The following EPG5 variants were observed in gnomAD, a reference collection of about 807,000 sequenced individuals.
EPG5 encodes the protein ectopic P granules protein 5 homolog.
In EPG5, 159 loss-of-function variants were observed where a neutral mutation model predicts 302.7. The ratio of observed to expected loss-of-function variants is 0.53; its 90% CI spans 0.46 to 0.60. EPG5 has a LOEUF of 0.60. Among genes scored for constraint, EPG5 ranks in the 20% least tolerant of loss-of-function variants. The pLI is 0.00. For synonymous variants in EPG5, 1,158 were observed against 1,136.8 expected (o/e 1.02, Z -0.37); for missense variants, 2,896 against 3,092.4 (o/e 0.94, Z 1.51).
intron 27 of EPG5, chr18:45,890,226 T>G (rs2049311419): frequency 8.4e-6 from 2 of 236,816 alleles, no homozygotes; most frequent in South Asian, 1.7e-4. Context: ...GCCCCTCCAC[T>G]GCTGATCATG....
At chr18:45,897,712 T>C (rs145188986) in intron 27 of EPG5, among the ~76,000 whole-genome samples, 189 of 152,344 alleles carry the variant, frequency 1.2e-3, no homozygotes, top group African/African-American at 2.2e-3. Flanking sequence ...TTCTGAACTT[T>C]AGACAAATAC....
At chr18:45,836,971 C>G in the EPG5 span, 5 of 930,976 alleles carry the variant, frequency 5.4e-6, no homozygotes, top group Non-Finnish European at 8.9e-6. Flanking sequence ...AGTTACTCAA[C>G]TTCTCTGAGC....
intron 31 of EPG5, among the ~76,000 whole-genome samples, chr18:45,880,733 T>C (rs1288789052): frequency 1.3e-5 from 2 of 152,182 alleles, no homozygotes; most frequent in African/African-American, 4.8e-5. Flanking sequence ...TATTCTGAAC[T>C]AGTCCCAACT....
chr18:45,818,256 A>G, the EPG5 span, among the ~76,000 whole-genome samples: 1 of 148,128 alleles, frequency 6.8e-6, no homozygotes, highest in Non-Finnish European at 1.5e-5. Flanking sequence ...GGAAGATTTT[A>G]TTTTTTTTTT....
the EPG5 span, among the ~76,000 whole-genome samples, chr18:45,825,008 G>A: frequency 6.6e-6 from 1 of 152,044 alleles, no homozygotes. Flanking sequence ...TCAGGTCACT[G>A]TCTAAGGGAG....
chr18:45,912,782 G>A (rs984804438), intron 21 of EPG5, among the ~76,000 whole-genome samples: 1 of 152,146 alleles, frequency 6.6e-6, no homozygotes, highest in African/African-American at 2.4e-5. Context: ...CAAGGGAATA[G>A]AAAGATATGA....
At chr18:45,877,507 C>T (rs1045928343) in intron 34 of EPG5, among the ~76,000 whole-genome samples, 4 of 152,154 alleles carry the variant, frequency 2.6e-5, no homozygotes, top group Non-Finnish European at 4.4e-5. Flanking sequence ...AATAAACAAG[C>T]AGCCAGCACT....
intron 34 of EPG5, among the ~76,000 whole-genome samples, chr18:45,876,799 T>TGA (rs1180748410): frequency 2.6e-5 from 4 of 151,996 alleles, no homozygotes; most frequent in South Asian, 2.1e-4. Context: ...TTTTTTTTTT[T>TGA]GAGAGAGAGA....
chr18:45,874,363 CA>C lies in EPG5; in HGVS notation c.6049+1872del, dbSNP rs531438753. 2.7e-3 allele frequency among the ~76,000 whole-genome samples: 382 copies of C among 143,592 alleles called. 2 individuals carry two copies. Among genetic ancestry groups the C allele is most frequent in the Admixed American group, 0.017 (248 of 14,430 alleles). The allele number at this position is 143,592 out of a possible 152,430, so 94.2% of individuals were successfully genotyped here. A position where few individuals can be genotyped will look rare whatever the true frequency, so the allele number is the denominator to read the frequency against. ...GTTAAACAAAAAATAAAATCTATTA[CA>C]AAAAAAAAACAAAACTGGATGACAT... On this transcript the variant is annotated intron_variant, in intron 35 of 43. Coordinates refer to ENST00000282041, the MANE Select transcript of EPG5 (RefSeq NM_020964.3).
At chr18:45,960,204 A>G (rs2051118645) in intron 1 of EPG5, among the ~76,000 whole-genome samples, 1 of 152,078 alleles carries the variant, frequency 6.6e-6, no homozygotes, top group East Asian at 1.9e-4. Context: ...AATTCAGACA[A>G]CTCTATGTGT....
intron 24 of EPG5, among the ~76,000 whole-genome samples, chr18:45,905,646 T>C (rs1157994484): frequency 1.3e-5 from 2 of 152,156 alleles, no homozygotes; most frequent in African/African-American, 4.8e-5. Flanking sequence ...AGACATCTTA[T>C]AAACCATAAA....
At chr18:45,929,048 T>C in intron 12 of EPG5, 39 bp from the exon 13 acceptor site, 2 of 1,595,886 alleles carry the variant, frequency 1.3e-6, no homozygotes, top group South Asian at 1.1e-5. Flanking sequence ...GCACTTTTAA[T>C]ATCAATTAGC....
At position 45,912,467 on chromosome 18, in the gene EPG5, G is replaced by GA; in HGVS notation, c.3817-12dup. On this transcript the variant is annotated splice_polypyrimidine_tract_variant and intron_variant, in intron 21 of 43. Coordinates refer to ENST00000282041, the MANE Select transcript of EPG5 (RefSeq NM_020964.3). ...CTGGGTCTGGGCTTTCTACAAAAAA[G>GA]AAAGGGCTTTGAGTAGCCACAAAAT... 6.3e-7 allele frequency: 1 copy of GA among 1,587,028 alleles called. No individual in the cohort carries two copies. The highest frequency in any genetic ancestry group is 8.5e-7 in the Non-Finnish European group (1 of 1,171,324).
chr18:45,951,805 C>T (rs2050915102), intron 3 of EPG5, among the ~76,000 whole-genome samples: 1 of 152,016 alleles, frequency 6.6e-6, no homozygotes, highest in Admixed American at 6.6e-5. Context: ...TCTGACCTAC[C>T]CCCAGTTAAT....
At chr18:45,825,827 T>C in the EPG5 span, 787,532 of 1,608,026 alleles carry the variant, frequency 0.49, 194,428 homozygotes, top group African/African-American at 0.57. Context: ...ACAGAATAGA[T>C]GCTGAAAGCA....
the EPG5 span, among the ~76,000 whole-genome samples, chr18:45,821,106 G>A: frequency 6.6e-6 from 1 of 152,328 alleles, no homozygotes; most frequent in East Asian, 1.9e-4. Context: ...TAGACTCACG[G>A]ATGTGAAAAT....
intron 7 of EPG5, among the ~76,000 whole-genome samples, chr18:45,946,003 A>G (rs2050778595): frequency 6.6e-6 from 1 of 152,256 alleles, no homozygotes; most frequent in African/African-American, 2.4e-5. Flanking sequence ...ATTCTAGACA[A>G]GAACACCAAA....
At chr18:45,915,192 A>C (rs1224428232) in intron 20 of EPG5, among the ~76,000 whole-genome samples, 2 of 151,846 alleles carry the variant, frequency 1.3e-5, no homozygotes, top group Admixed American at 1.3e-4. Context: ...GCAGGGGAAT[A>C]GCTTGAACCC....
chr18:45,836,191 C>A, the EPG5 span, among the ~76,000 whole-genome samples: 25 of 152,112 alleles, frequency 1.6e-4, no homozygotes, highest in African/African-American at 6.0e-4. Flanking sequence ...GGCTTGGGGT[C>A]AGAAAAGTCA....
Sources: gnomAD v4.1 joint callset for allele counts (sites outside exome capture counted in the v4.1 genomes callset) on GRCh38, gnomAD v4.1.1 for gene constraint, MANE v1.5 for transcripts, NCBI Gene and HGNC (gene_info 2026-07-23, HGNC 2026-07-21) for gene names.